Variants in CPNE8 observed in about 807,000 individuals in gnomAD.
CPNE8 encodes copine-8.
In CPNE8, 45 loss-of-function variants were observed where a neutral mutation model predicts 81.5. The ratio of observed to expected loss-of-function variants is 0.55; its 90% CI spans 0.44 to 0.71. The LOEUF (loss-of-function observed/expected upper bound fraction) is 0.71. CPNE8 is among the 30% of genes least tolerant of loss of function. The probability of loss-of-function intolerance (pLI) is 0.00; values close to 1 mark genes in which losing one functional copy is unlikely to be tolerated. For synonymous variants in CPNE8, 252 were observed against 226.3 expected, an observed-to-expected ratio of 1.11 and a Z score of -1.02; for missense variants, 594 against 672.1, an observed-to-expected ratio of 0.88 and a Z score of 1.28.
In CPNE8 at chr12:38,905,481, G is replaced by C; in HGVS notation, c.54C>G (p.Ser18Arg). The change falls in exon 1 of 20, where the codon AGC becomes AGG. Residue 18 changes from serine (S) to arginine (R), a missense_variant. Physicochemically the swap from Ser to Arg is moderately radical, Grantham distance 110 (BLOSUM62 -1). Coordinates refer to ENST00000331366, the MANE Select transcript of CPNE8 (RefSeq NM_153634.3). ...CCACCCGCGTGGCCGGGATGGCAGC[G>C]CTCAGCTGGTTCAAGTCCCCGATGC... ...TAGIGDLNQL[S>R]AAIPATRVEV... 1 of 1,576,354 alleles carries C rather than the reference G, an allele frequency of 6.3e-7. No individual in the cohort carries two copies. Among genetic ancestry groups the C allele is most frequent in the Non-Finnish European group, 8.6e-7 (1 of 1,160,956 alleles).
intron 13 of CPNE8, among the ~76,000 whole-genome samples, chr12:38,705,018 C>G (rs1565575750): frequency 6.8e-6 from 1 of 146,102 alleles, no homozygotes; most frequent in Non-Finnish European, 1.5e-5. Flanking sequence ...GTAATTCCAT[C>G]TCTTCCTTAC....
At chr12:38,887,438 A>G (rs1162181998) in intron 1 of CPNE8, among the ~76,000 whole-genome samples, 1 of 152,202 alleles carries the variant, frequency 6.6e-6, no homozygotes, top group Non-Finnish European at 1.5e-5. Flanking sequence ...AAATAAATGC[A>G]CAAAGAGATA....
At chr12:38,838,641 T>C (rs1592130582) in intron 5 of CPNE8, among the ~76,000 whole-genome samples, 1 of 152,154 alleles carries the variant, frequency 6.6e-6, no homozygotes, top group East Asian at 1.9e-4. Flanking sequence ...AGCAGGAAGG[T>C]GGCATGGCAA....
intron 6 of CPNE8, among the ~76,000 whole-genome samples, chr12:38,825,042 G>T (rs1943167169): frequency 6.6e-6 from 1 of 152,174 alleles, no homozygotes; most frequent in Non-Finnish European, 1.5e-5. Flanking sequence ...GCAGCAGGAG[G>T]CAGTGGAAAC....
At chr12:38,728,592 C>CA (rs1357200377) in intron 11 of CPNE8, among the ~76,000 whole-genome samples, 1 of 151,628 alleles carries the variant, frequency 6.6e-6, no homozygotes, top group Non-Finnish European at 1.5e-5. Flanking sequence ...CAAACAAAAA[C>CA]AAAAAAACAG....
At chr12:38,891,585 T>G (rs1181456894) in intron 1 of CPNE8, among the ~76,000 whole-genome samples, 1 of 151,986 alleles carries the variant, frequency 6.6e-6, no homozygotes, top group African/African-American at 2.4e-5. Flanking sequence ...GTAGCTGGTA[T>G]TACAGGCAGG....
intron 14 of CPNE8, among the ~76,000 whole-genome samples, chr12:38,696,874 C>T (rs991642488): frequency 9.2e-5 from 14 of 152,064 alleles, no homozygotes; most frequent in African/African-American, 1.7e-4. Flanking sequence ...GGCAAAATCT[C>T]GTCTTTACAA....
intron 3 of CPNE8, among the ~76,000 whole-genome samples, chr12:38,853,435 A>T (rs1454553742): frequency 6.6e-6 from 1 of 152,156 alleles, no homozygotes; most frequent in Non-Finnish European, 1.5e-5. Flanking sequence ...TAATTACAAT[A>T]ACCTCTGGCA....
intron 6 of CPNE8, among the ~76,000 whole-genome samples, chr12:38,815,434 GTCAT>G (rs1270406744): frequency 6.6e-6 from 1 of 152,046 alleles, no homozygotes; most frequent in East Asian, 1.9e-4. Flanking sequence ...CTTTTCACAT[GTCAT>G]TCAATCTTTC....
At chr12:38,669,254 A>C (rs1939122396) in intron 19 of CPNE8, among the ~76,000 whole-genome samples, 1 of 152,108 alleles carries the variant, frequency 6.6e-6, no homozygotes, top group Admixed American at 6.6e-5. Context: ...AGAAGTTTTT[A>C]TTTTAAAATT....
intron 10 of CPNE8, among the ~76,000 whole-genome samples, chr12:38,732,668 C>T (rs1940858082): frequency 6.6e-6 from 1 of 151,932 alleles, no homozygotes; most frequent in Non-Finnish European, 1.5e-5. Context: ...GACATGTCTT[C>T]ATGACATACT....
At chr12:38,724,568 G>A (rs1412711841) in intron 12 of CPNE8, among the ~76,000 whole-genome samples, 1 of 152,082 alleles carries the variant, frequency 6.6e-6, no homozygotes, top group Non-Finnish European at 1.5e-5. Flanking sequence ...GGATTCCACT[G>A]AATGAAGAGT....
intron 7 of CPNE8, among the ~76,000 whole-genome samples, chr12:38,775,113 A>G (rs1440444314): frequency 6.6e-6 from 1 of 151,990 alleles, no homozygotes; most frequent in Non-Finnish European, 1.5e-5. Context: ...ATCTATCTAT[A>G]TTTGAGAGAT....
At chr12:38,679,741 T>C (rs1478177558) in intron 16 of CPNE8, 1 of 957,518 alleles carries the variant, frequency 1.0e-6, no homozygotes, top group Non-Finnish European at 1.2e-6. Flanking sequence ...ATCAATGTTG[T>C]ATTACCATTT....
chr12:38,720,456 G>A (rs1940532193), intron 13 of CPNE8, among the ~76,000 whole-genome samples: 1 of 151,978 alleles, frequency 6.6e-6, no homozygotes, highest in Non-Finnish European at 1.5e-5. Context: ...GAACGTACTG[G>A]ATATCTGTTA....
intron 6 of CPNE8, among the ~76,000 whole-genome samples, chr12:38,785,170 AGAGT>A (rs997280872): frequency 2.0e-5 from 3 of 151,104 alleles, no homozygotes; most frequent in African/African-American, 7.3e-5. Context: ...CCTGGATGAC[AGAGT>A]GAGACTCTGT....
At chr12:38,769,107 G>A (rs1941748935) in intron 7 of CPNE8, among the ~76,000 whole-genome samples, 1 of 152,016 alleles carries the variant, frequency 6.6e-6, no homozygotes, top group Non-Finnish European at 1.5e-5. Context: ...CAAACATTTA[G>A]CAAGCAATAG....
At chr12:38,743,180 A>G (rs1719847) in intron 10 of CPNE8, among the ~76,000 whole-genome samples, 15,601 of 152,074 alleles carry the variant, frequency 0.1, 1,014 homozygotes, top group East Asian at 0.25. Context: ...GACCTTATTT[A>G]TTAGTCAGAA....
At chr12:38,868,763 C>A (rs1023022323) in intron 3 of CPNE8, among the ~76,000 whole-genome samples, 6 of 152,084 alleles carry the variant, frequency 3.9e-5, no homozygotes, top group Non-Finnish European at 8.8e-5. Flanking sequence ...ATCAAGTATA[C>A]CCCCATTTCC....
Sources: allele counts gnomAD v4.1 joint callset (sites outside exome capture counted in the v4.1 genomes callset), GRCh38; gene constraint gnomAD v4.1.1; transcripts MANE v1.5; gene names NCBI Gene and HGNC (gene_info 2026-07-23, HGNC 2026-07-21).